Variants in CACNA2D1 observed in about 807,000 individuals in gnomAD.
CACNA2D1 encodes calcium voltage-gated channel auxiliary subunit alpha2delta 1.
CACNA2D1 carries 53 observed loss-of-function variants against 171.5 expected under a neutral mutation model. That is an observed-to-expected ratio of 0.31 (90% CI 0.25 to 0.39). CACNA2D1 has a LOEUF of 0.39. CACNA2D1 is among the 10% of genes least tolerant of loss of function. The pLI is 1.00. For missense variants in CACNA2D1, 903 were observed against 1,299.8 expected (o/e 0.69, Z 4.69); for synonymous variants, 442 against 443.1 (o/e 1.00, Z 0.03).
intron 3 of CACNA2D1, among the ~76,000 whole-genome samples, chr7:82,205,377 C>T (rs762164422): frequency 3.3e-5 from 5 of 151,984 alleles, no homozygotes; most frequent in Non-Finnish European, 5.9e-5. Flanking sequence ...ATTAAGTCTG[C>T]TCCTATTAGA....
intron 1 of CACNA2D1, among the ~76,000 whole-genome samples, chr7:82,371,340 G>A (rs1438363690): frequency 6.6e-6 from 1 of 152,194 alleles, no homozygotes; most frequent in African/African-American, 2.4e-5. Context: ...TTTATGAGAC[G>A]ATGTGAGACA....
At chr7:82,404,591 GT>G (rs1357090818) in intron 1 of CACNA2D1, among the ~76,000 whole-genome samples, 1 of 152,158 alleles carries the variant, frequency 6.6e-6, no homozygotes, top group Non-Finnish European at 1.5e-5. Context: ...TTGCACACTT[GT>G]TTTTGTAATG....
chr7:82,352,988 C>T (rs115318938), intron 1 of CACNA2D1, among the ~76,000 whole-genome samples: 1,539 of 152,004 alleles, frequency 0.01, 35 homozygotes, highest in African/African-American at 0.034. Context: ...CTCAAAATAA[C>T]GGAGAGATAT....
chr7:82,221,617 TGCCTATAATCCCA>T (rs2129251064), intron 3 of CACNA2D1, among the ~76,000 whole-genome samples: 2 of 152,064 alleles, frequency 1.3e-5, no homozygotes, highest in East Asian at 3.9e-4. Flanking sequence ...TGATGGCAGT[TGCCTATAATCCCA>T]GCTACTCAGA....
chr7:82,060,306 T>C (rs1032502386), intron 10 of CACNA2D1, 122 bp downstream of exon 10: 33 of 600,672 alleles, frequency 5.5e-5, no homozygotes, highest in African/African-American at 7.9e-5. Context: ...GTCAGTAAGA[T>C]AGTCTTGCAA....
At chr7:82,302,910 C>T (rs1461811367) in intron 3 of CACNA2D1, among the ~76,000 whole-genome samples, 2 of 152,074 alleles carry the variant, frequency 1.3e-5, no homozygotes, top group Admixed American at 1.3e-4. Flanking sequence ...CGTTAAAAAC[C>T]ATGTCACAAA....
intron 10 of CACNA2D1, among the ~76,000 whole-genome samples, chr7:82,052,050 A>T (rs1805253403): frequency 6.6e-6 from 1 of 152,218 alleles, no homozygotes; most frequent in African/African-American, 2.4e-5. Context: ...AAAGAAACTT[A>T]GAAAAATAAC....
At chr7:82,307,365 C>T (rs1216170275) in intron 3 of CACNA2D1, among the ~76,000 whole-genome samples, 2 of 151,662 alleles carry the variant, frequency 1.3e-5, no homozygotes, top group African/African-American at 4.8e-5. Context: ...CCATGTTGGC[C>T]GGGCTGGTTC....
intron 31 of CACNA2D1, 35 bp downstream of exon 31, chr7:81,967,134 T>C (rs780267183): frequency 2.6e-6 from 4 of 1,524,604 alleles, no homozygotes; most frequent in South Asian, 1.1e-5. Flanking sequence ...CAAGGAAATA[T>C]TGTACTCAAA....
chr7:82,205,337 T>C (rs925232812), intron 3 of CACNA2D1, among the ~76,000 whole-genome samples: 2 of 152,130 alleles, frequency 1.3e-5, no homozygotes, highest in African/African-American at 2.4e-5. Flanking sequence ...GAAATGAATA[T>C]TTTGAAGGCT....
At chr7:82,303,804 A>G (rs898355939) in intron 3 of CACNA2D1, among the ~76,000 whole-genome samples, 1 of 152,202 alleles carries the variant, frequency 6.6e-6, no homozygotes, top group African/African-American at 2.4e-5. Flanking sequence ...ACATTGGTCT[A>G]GGCAACAATT....
At chr7:82,407,258 G>C (rs1189243782) in intron 1 of CACNA2D1, among the ~76,000 whole-genome samples, 1 of 152,180 alleles carries the variant, frequency 6.6e-6, no homozygotes, top group African/African-American at 2.4e-5. Context: ...AATCCAAAGA[G>C]GAAGTAGAAA....
At chr7:82,364,232 A>T (rs147792563) in intron 1 of CACNA2D1, among the ~76,000 whole-genome samples, 2 of 152,312 alleles carry the variant, frequency 1.3e-5, no homozygotes, top group Non-Finnish European at 2.9e-5. Flanking sequence ...AGAAAAAAAA[A>T]GTTTGGCAGA....
chr7:81,988,197 TA>T (rs1316800599), intron 21 of CACNA2D1, among the ~76,000 whole-genome samples: 1 of 152,172 alleles, frequency 6.6e-6, no homozygotes, highest in East Asian at 1.9e-4. Context: ...TACTTTGTTT[TA>T]TCATAAAATC....
chr7:82,239,358 G>A (rs545938238), intron 3 of CACNA2D1, among the ~76,000 whole-genome samples: 1 of 151,054 alleles, frequency 6.6e-6, no homozygotes, highest in South Asian at 2.1e-4. Flanking sequence ...AAGGAAATCA[G>A]AATTTTAGCT....
At chr7:82,120,509 G>A (rs967945187) in intron 5 of CACNA2D1, among the ~76,000 whole-genome samples, 4 of 152,102 alleles carry the variant, frequency 2.6e-5, no homozygotes, top group African/African-American at 9.7e-5. Context: ...TTATATTTAA[G>A]GTGGACTTTC....
At chr7:82,059,678 C>CT (rs1288339018) in intron 10 of CACNA2D1, among the ~76,000 whole-genome samples, 1 of 151,770 alleles carries the variant, frequency 6.6e-6, no homozygotes, top group Non-Finnish European at 1.5e-5. Flanking sequence ...CTCAAAAAGG[C>CT]TCCTGGCATA....
chr7:82,211,127 T>C (rs1800504868), intron 3 of CACNA2D1, among the ~76,000 whole-genome samples: 2 of 152,218 alleles, frequency 1.3e-5, no homozygotes, highest in Non-Finnish European at 2.9e-5. Flanking sequence ...TCAATTTTTA[T>C]GGTGAGGCTC....
chr7:82,257,173 A>C (rs1007257046), intron 3 of CACNA2D1, among the ~76,000 whole-genome samples: 5 of 152,194 alleles, frequency 3.3e-5, no homozygotes, highest in Non-Finnish European at 7.3e-5. Context: ...TCAGTCAAGA[A>C]AATAGTTCAT....
Sources: gnomAD v4.1 joint callset for allele counts (sites outside exome capture counted in the v4.1 genomes callset) on GRCh38, gnomAD v4.1.1 for gene constraint, MANE v1.5 for transcripts, NCBI Gene and HGNC (gene_info 2026-07-23, HGNC 2026-07-21) for gene names.